DMXL2: variants seen among roughly 807,000 people sequenced by gnomAD.
The protein encoded by DMXL2 is dmX-like protein 2.
A neutral mutation model predicts 331.1 loss-of-function variants in DMXL2; 103 were observed. The observed-to-expected ratio is 0.31, with a 90% CI of 0.27 to 0.37. The LOEUF is 0.37. Ranked by LOEUF, DMXL2 falls within the 10% of genes least tolerant of loss-of-function variation. The pLI is 1.00. For missense variants in DMXL2, 3,171 were observed against 3,642.9 expected (o/e 0.87, Z 3.33); for synonymous variants, 1,281 against 1,252.1 (o/e 1.02, Z -0.49).
intron 17 of DMXL2, among the ~76,000 whole-genome samples, chr15:51,501,079 T>G (rs764694182): frequency 9.2e-5 from 14 of 152,204 alleles, no homozygotes; most frequent in Non-Finnish European, 1.5e-4. Flanking sequence ...TCCAATAAAC[T>G]TATTTGAGTA....
intron 1 of DMXL2, among the ~76,000 whole-genome samples, chr15:51,601,224 G>A (rs2053202905): frequency 6.8e-6 from 1 of 146,636 alleles, no homozygotes; most frequent in Non-Finnish European, 1.5e-5. Context: ...CTGGGAGGCG[G>A]AGCTTGCAGT....
intron 6 of DMXL2, among the ~76,000 whole-genome samples, chr15:51,550,343 C>T: frequency 6.6e-6 from 1 of 152,086 alleles, no homozygotes; most frequent in East Asian, 1.9e-4. Context: ...GCATAATCTT[C>T]TCTCAAAGAA....
intron 43 of DMXL2, among the ~76,000 whole-genome samples, chr15:51,449,504 G>C (rs2038945782): frequency 6.6e-6 from 1 of 152,076 alleles, no homozygotes; most frequent in Non-Finnish European, 1.5e-5. Flanking sequence ...AGGTCCTAAG[G>C]CTATGTAAAA....
intron 23 of DMXL2, among the ~76,000 whole-genome samples, chr15:51,484,646 A>T (rs1283202390): frequency 6.6e-6 from 1 of 152,206 alleles, no homozygotes; most frequent in Non-Finnish European, 1.5e-5. Context: ...GAAACACACC[A>T]ACCATGAGAA....
At chr15:51,570,128 G>A (rs150632558) in intron 2 of DMXL2, among the ~76,000 whole-genome samples, 47 of 152,130 alleles carry the variant, frequency 3.1e-4, no homozygotes, top group Admixed American at 1.4e-3. Context: ...AACACAGCAC[G>A]AGAACTTCAT....
intron 29 of DMXL2, among the ~76,000 whole-genome samples, chr15:51,468,097 T>C (rs889511437): frequency 3.9e-5 from 6 of 152,210 alleles, no homozygotes; most frequent in African/African-American, 1.4e-4. Context: ...ATTCTTGGCA[T>C]TTTAAACATC....
chr15:51,577,519 G>A (rs1437579165), intron 1 of DMXL2, among the ~76,000 whole-genome samples: 1 of 152,144 alleles, frequency 6.6e-6, no homozygotes, highest in Non-Finnish European at 1.5e-5. Flanking sequence ...CTCACAGGAG[G>A]AAATGATCAC....
chr15:51,512,836 G>A (rs979696501), intron 15 of DMXL2, among the ~76,000 whole-genome samples: 5 of 151,210 alleles, frequency 3.3e-5, no homozygotes, highest in Non-Finnish European at 5.9e-5. Flanking sequence ...AAAAAAATTC[G>A]GGGGGAAAAG....
chr15:51,539,332 AAG>A (rs879672392), intron 9 of DMXL2, among the ~76,000 whole-genome samples: 3 of 152,218 alleles, frequency 2.0e-5, no homozygotes, highest in Non-Finnish European at 2.9e-5. Context: ...AATCAAAGTG[AAG>A]AATATAAAAG....
At chr15:51,596,283 A>G (rs1297223241) in intron 1 of DMXL2, among the ~76,000 whole-genome samples, 1 of 152,166 alleles carries the variant, frequency 6.6e-6, no homozygotes, top group Non-Finnish European at 1.5e-5. Flanking sequence ...CACTTCTCAA[A>G]AGAAGACATT....
chr15:51,563,520 G>A, intron 5 of DMXL2, 73 bp from the exon 6 acceptor site: 1 of 1,018,716 alleles, frequency 9.8e-7, no homozygotes, highest in Non-Finnish European at 1.4e-6. Context: ...GTCAAGATGA[G>A]ATTTTTGTAA....
rs753115653 is a variant in DMXL2, at chr15:51,458,522, C to A, written c.8182G>T (p.Asp2728Tyr). 2.5e-6 allele frequency: 4 copies of A among 1,613,630 alleles called. No homozygotes were observed. In the South Asian group the frequency reaches 4.4e-5, roughly 18 times the overall value. ...GAGACAAACCTTTTGGATTCTCTGT[C>A]ATATTCTTCTCCGATCCATATGTAT... Reference protein sequence around the residue: ...QSYIWIGEEYDRESKSSDDVD... With the variant: ...QSYIWIGEEYYRESKSSDDVD... Residue 2728 changes from aspartate to tyrosine, a missense_variant, in exon 36 of 44, where the codon GAC (aspartate) becomes TAC (tyrosine). Physicochemically the swap from Asp to Tyr is radical, Grantham distance 160 (BLOSUM62 -3). Coordinates refer to ENST00000560891, the MANE Select transcript of DMXL2 (RefSeq NM_001378457.1).
rs754270814 is a variant in DMXL2 at position 51,481,490 on chromosome 15, GTTC to G, written c.5613_5615del (p.Lys1871del). 6.2e-7 allele frequency: 1 copy of G among 1,613,466 alleles called. No homozygotes were observed. The stretch of plus-strand genomic sequence containing the variant: ...CTATGAGGTTAATTTTATCAACAAA[GTTC>G]TTCTCAGTTTTGAGACCTAAGGTTG... On this transcript the variant is annotated inframe_deletion, in exon 24 of 44. Coordinates refer to ENST00000560891, the MANE Select transcript of DMXL2 (RefSeq NM_001378457.1).
chr15:51,488,609 A>G lies in DMXL2; in HGVS notation c.4990T>C (p.Leu1664=). 1.2e-6 allele frequency: 2 copies of G among 1,613,046 alleles called. No homozygotes were observed. The highest frequency in any genetic ancestry group is 1.7e-6 in the Non-Finnish European group (2 of 1,179,720). ...KASFQRNNDA[L]DAALFYLSMK... is the part of the protein sequence containing the mutation. The stretch of plus-strand genomic sequence containing the variant: ...GAAAGGTAGAATAGTGCAGCATCTA[A>G]GGCATCATTGTTCCTTTGAAAAGAA... The change falls in exon 21 of 44, where the codon TTA becomes CTA. Residue 1664 remains leucine, a synonymous_variant. Transcript: ENST00000560891.
At chr15:51,590,766 A>G (rs2141236444) in intron 1 of DMXL2, among the ~76,000 whole-genome samples, 1 of 152,304 alleles carries the variant, frequency 6.6e-6, no homozygotes, top group East Asian at 1.9e-4. Context: ...ATGTCTGTTG[A>G]GCAGTTACTC....
intron 3 of DMXL2, among the ~76,000 whole-genome samples, chr15:51,565,547 C>T (rs1478744940): frequency 1.3e-5 from 2 of 152,196 alleles, no homozygotes; most frequent in East Asian, 3.8e-4. Context: ...ATCCTGGCAG[C>T]ACCAATACCA....
At chr15:51,535,612 G>C (rs1364436799) in intron 13 of DMXL2, 51 bp downstream of exon 13, 10 of 1,509,768 alleles carry the variant, frequency 6.6e-6, no homozygotes, top group Non-Finnish European at 8.0e-6. Flanking sequence ...AAAGTCAAAA[G>C]AGAATTCTTT....
chr15:51,609,624 T>C (rs1471135863), intron 1 of DMXL2, among the ~76,000 whole-genome samples: 1 of 152,200 alleles, frequency 6.6e-6, no homozygotes, highest in Non-Finnish European at 1.5e-5. Context: ...AGATATGTTC[T>C]AGGCTATACT....
chr15:51,539,185 G>C (rs1414345176), intron 9 of DMXL2, among the ~76,000 whole-genome samples: 1 of 151,532 alleles, frequency 6.6e-6, no homozygotes, highest in African/African-American at 2.4e-5. Flanking sequence ...ACTCCAGCCT[G>C]TGTGACAGAG....
Sources: allele counts gnomAD v4.1 joint callset (sites outside exome capture counted in the v4.1 genomes callset), GRCh38; gene constraint gnomAD v4.1.1; transcripts MANE v1.5; gene names NCBI Gene and HGNC (gene_info 2026-07-23, HGNC 2026-07-21).